GALNT9: variants seen among roughly 807,000 people sequenced by gnomAD.
GALNT9 encodes polypeptide N-acetylgalactosaminyltransferase 9.
Under a neutral mutation model 63.1 loss-of-function variants are expected in GALNT9, and 47 were observed. The observed-to-expected ratio is 0.75, with a 90% CI of 0.59 to 0.95. GALNT9 has a LOEUF of 0.95. Among genes scored for constraint, GALNT9 ranks in the 40% least tolerant of loss-of-function variants. GALNT9 has a pLI of 0.00. For missense variants in GALNT9, 829 were observed against 874.8 expected (o/e 0.95, Z 0.66); for synonymous variants, 396 against 365.7 (o/e 1.08, Z -0.94).
intron 1 of GALNT9, among the ~76,000 whole-genome samples, chr12:132,298,960 T>C (rs1246538842): frequency 2.8e-5 from 4 of 143,518 alleles, no homozygotes; most frequent in African/African-American, 7.8e-5. Context: ...ACTCCTGAGA[T>C]AAATCACTCC....
At chr12:132,247,404 G>T in intron 6 of GALNT9, 2 of 347,838 alleles carry the variant, frequency 5.7e-6, no homozygotes, top group South Asian at 4.3e-5. Flanking sequence ...TGTTGCCACT[G>T]AGCTTCTAGC....
At chr12:132,280,833 C>G (rs1315220541) in intron 2 of GALNT9, 3 of 152,320 alleles carry the variant, frequency 2.0e-5, no homozygotes, top group African/African-American at 7.2e-5. Context: ...TCTGCCAAAT[C>G]TCTAGACTCC....
chr12:132,201,100 C>A (rs375772548), intron 8 of GALNT9, 24 bp downstream of exon 8: 4 of 1,607,454 alleles, frequency 2.5e-6, no homozygotes, highest in Non-Finnish European at 3.4e-6. Context: ...TCGGGCCGAA[C>A]GGGGCCCTCG....
intron 6 of GALNT9, among the ~76,000 whole-genome samples, chr12:132,211,442 C>A (rs541973743): frequency 6.6e-6 from 1 of 152,150 alleles, no homozygotes; most frequent in Non-Finnish European, 1.5e-5. Flanking sequence ...CGACCTAGTA[C>A]GAGAAAACAC....
At chr12:132,243,423 G>A (rs1262876564) in intron 6 of GALNT9, among the ~76,000 whole-genome samples, 1 of 151,854 alleles carries the variant, frequency 6.6e-6, no homozygotes, top group Non-Finnish European at 1.5e-5. Flanking sequence ...AGTCCTCCTC[G>A]TCTTCCGGAG....
At chr12:132,273,979 G>C (rs1555240968) in intron 2 of GALNT9, 1 of 152,546 alleles carries the variant, frequency 6.6e-6, no homozygotes, top group Non-Finnish European at 1.5e-5. Flanking sequence ...AGTGAGGCCA[G>C]CTCGCTCCTG....
At chr12:132,225,705 TGTAC>T (rs1363068595) in intron 6 of GALNT9, among the ~76,000 whole-genome samples, 1,730 of 119,174 alleles carry the variant, frequency 0.015, 33 homozygotes, top group African/African-American at 0.054. Flanking sequence ...ATACACACAC[TGTAC>T]GTACACACCC....
chr12:132,196,783 G>C lies in GALNT9; in HGVS notation c.*324C>G. The C allele has an allele frequency of 1.8e-6, 2 of 1,102,732 alleles. No individual in the cohort carries two copies. The highest frequency in any genetic ancestry group is 2.2e-6 in the Non-Finnish European group (2 of 902,512). The allele number at this position is 1,102,732 out of a possible 1,614,324, so 68.3% of individuals were successfully genotyped here. ...GGCTTGGCCTCCCTATGGGGCGTGGGGGGCTGTGGTACATGCAGAGGCGGC... is the reference window on the plus strand; with the variant it reads ...GGCTTGGCCTCCCTATGGGGCGTGGCGGGCTGTGGTACATGCAGAGGCGGC... On this transcript the variant is annotated 3_prime_UTR_variant, in exon 11 of 11. Coordinates refer to ENST00000328957, the MANE Select transcript of GALNT9 (RefSeq NM_001122636.2).
intron 6 of GALNT9, among the ~76,000 whole-genome samples, chr12:132,227,418 G>A (rs1237563490): frequency 6.6e-6 from 1 of 152,170 alleles, no homozygotes; most frequent in African/African-American, 2.4e-5. Flanking sequence ...GCCTGTGAAA[G>A]CAACACCTCA....
intron 6 of GALNT9, among the ~76,000 whole-genome samples, chr12:132,217,429 TCCAC>T (rs1877251088): frequency 7.6e-6 from 1 of 131,952 alleles, no homozygotes. Flanking sequence ...CATCCATCCA[TCCAC>T]TCATTCATCT....
intron 1 of GALNT9, among the ~76,000 whole-genome samples, chr12:132,322,505 C>G (rs886456540): frequency 6.6e-6 from 1 of 152,254 alleles, no homozygotes; most frequent in Admixed American, 6.5e-5. Context: ...CCAGCATCCC[C>G]GTCCGTGACT....
intron 2 of GALNT9, among the ~76,000 whole-genome samples, chr12:132,270,522 G>A (rs781902310): frequency 7.2e-5 from 11 of 152,360 alleles, no homozygotes; most frequent in South Asian, 2.1e-4. Flanking sequence ...TAGCTCTTGC[G>A]TACATAATGG....
intron 6 of GALNT9, among the ~76,000 whole-genome samples, chr12:132,225,982 C>T (rs1286009309): frequency 9.5e-5 from 14 of 147,926 alleles, no homozygotes; most frequent in African/African-American, 3.6e-4. Flanking sequence ...TGTACACACC[C>T]CACACACATA....
rs2136899035 is a variant in GALNT9 at position 132,240,640 on chromosome 12, G to A, written c.1077+7270C>T. On this transcript the variant is annotated intron_variant, in intron 6 of 10. Transcript: ENST00000328957. ...GCTCGGCTGTGCTCTATGGGCCTCG[G>A]ACCTGCTCCTCTTCACTCTCTGCCG... 3.3e-5 allele frequency: 15 copies of A among 449,136 alleles called. No individual in the cohort carries two copies. In the East Asian group the frequency reaches 4.4e-4, roughly 13 times the overall value. The allele number at this position is 449,136 out of a possible 1,614,324, so 27.8% of individuals were successfully genotyped here.
intron 1 of GALNT9, among the ~76,000 whole-genome samples, chr12:132,312,870 G>A (rs1881863127): frequency 6.6e-6 from 1 of 152,090 alleles, no homozygotes; most frequent in Non-Finnish European, 1.5e-5. Context: ...CAAAGATGAG[G>A]TTGTCAGCCC....
intron 1 of GALNT9, among the ~76,000 whole-genome samples, chr12:132,295,345 G>A (rs111553432): frequency 0.038 from 5,739 of 152,366 alleles, 145 homozygotes; most frequent in Middle Eastern, 0.11. Context: ...CGTGCAGGCC[G>A]AGAGCCAAAG....
At chr12:132,326,943 G>A (rs1869062400) in intron 1 of GALNT9, among the ~76,000 whole-genome samples, 1 of 152,242 alleles carries the variant, frequency 6.6e-6, no homozygotes, top group Admixed American at 6.5e-5. Flanking sequence ...CACCGGGGGT[G>A]AGAGTAATTT....
chr12:132,235,325 G>A (rs1877963601), intron 6 of GALNT9, among the ~76,000 whole-genome samples: 1 of 151,774 alleles, frequency 6.6e-6, no homozygotes, highest in Non-Finnish European at 1.5e-5. Context: ...ATTGGAGCTG[G>A]GACCCGGAGA....
chr12:132,250,876 A>G (rs2135536776), intron 5 of GALNT9, among the ~76,000 whole-genome samples: 1 of 152,320 alleles, frequency 6.6e-6, no homozygotes, highest in South Asian at 2.1e-4. Flanking sequence ...TGGAGTCGGG[A>G]CCCACATCCC....
Sources: allele counts gnomAD v4.1 joint callset (sites outside exome capture counted in the v4.1 genomes callset), GRCh38; gene constraint gnomAD v4.1.1; transcripts MANE v1.5; gene names NCBI Gene and HGNC (gene_info 2026-07-23, HGNC 2026-07-21).